Variants in ABCC2 observed in about 807,000 individuals in gnomAD.
ABCC2 encodes ATP-binding cassette sub-family C member 2.
A neutral mutation model predicts 173.4 loss-of-function variants in ABCC2; 157 were observed. The ratio of observed to expected loss-of-function variants is 0.91; its 90% confidence interval spans 0.80 to 1.03. ABCC2 has a LOEUF of 1.03. ABCC2 is among the 50% of genes least tolerant of loss of function. The probability of loss-of-function intolerance (pLI) is 0.00; values close to 1 mark genes in which losing one functional copy is unlikely to be tolerated. For missense variants in ABCC2, 1,822 were observed against 1,852.3 expected (o/e 0.98, Z 0.30); for synonymous variants, 657 against 693.5 (o/e 0.95, Z 0.83).
At chr10:99,812,902 A>C (rs2038241128) in intron 15 of ABCC2, 116 bp from the exon 16 acceptor site, 2 of 1,425,352 alleles carry the variant, frequency 1.4e-6, no homozygotes, top group African/African-American at 1.4e-5. Context: ...CAAATTTTCC[A>C]ATCTTGAGGG....
At chr10:99,819,601 C>T (rs1590172272) in intron 19 of ABCC2, among the ~76,000 whole-genome samples, 1 of 152,186 alleles carries the variant, frequency 6.6e-6, no homozygotes, top group African/African-American at 2.4e-5. Flanking sequence ...TTAGGGATGC[C>T]ATGTTCCTAT....
intron 16 of ABCC2, among the ~76,000 whole-genome samples, chr10:99,813,777 C>A (rs187065958): frequency 3.3e-5 from 5 of 151,988 alleles, no homozygotes; most frequent in Non-Finnish European, 7.4e-5. Context: ...ATGCATCCTG[C>A]AAAACTGTAC....
intron 24 of ABCC2, 42 bp downstream of exon 24, chr10:99,834,577 T>C (rs1476723802): frequency 3.1e-6 from 5 of 1,599,650 alleles, no homozygotes; most frequent in Non-Finnish European, 3.4e-6. Flanking sequence ...TTCCTCTCTA[T>C]CTATAAAAGC....
chr10:99,791,405 C>T (rs1446544822), intron 2 of ABCC2, among the ~76,000 whole-genome samples: 4 of 152,168 alleles, frequency 2.6e-5, no homozygotes, highest in Non-Finnish European at 4.4e-5. Flanking sequence ...GAGACTCCGT[C>T]TCAAAACAAA....
intron 9 of ABCC2, 57 bp from the exon 10 acceptor site, chr10:99,803,962 T>C (rs1486374674): frequency 6.2e-7 from 1 of 1,609,612 alleles, no homozygotes; most frequent in Admixed American, 1.7e-5. Context: ...CTTCCTCTTC[T>C]ACTCCCTAGT....
At chr10:99,849,659 G>A (rs559672984) in intron 30 of ABCC2, among the ~76,000 whole-genome samples, 2 of 152,304 alleles carry the variant, frequency 1.3e-5, no homozygotes, top group East Asian at 3.9e-4. Context: ...TACACTTTGG[G>A]CCAGGCAGGA....
chr10:99,846,026 C>T (rs1432736247), intron 29 of ABCC2, among the ~76,000 whole-genome samples: 1 of 152,218 alleles, frequency 6.6e-6, no homozygotes, highest in Non-Finnish European at 1.5e-5. Context: ...AAGTCAAGTA[C>T]AGCAGACGAT....
At chr10:99,835,818 TAGG>T (rs1312087996) in intron 24 of ABCC2, among the ~76,000 whole-genome samples, 1 of 152,126 alleles carries the variant, frequency 6.6e-6, no homozygotes, top group Non-Finnish European at 1.5e-5. Flanking sequence ...CGGAACTCCT[TAGG>T]AGGTTTGGAG....
At chr10:99,785,265 A>G (rs2037686008) in intron 2 of ABCC2, among the ~76,000 whole-genome samples, 1 of 152,170 alleles carries the variant, frequency 6.6e-6, no homozygotes, top group Non-Finnish European at 1.5e-5. Flanking sequence ...AGTCAGGATG[A>G]TCACTCACAG....
intron 10 of ABCC2, among the ~76,000 whole-genome samples, chr10:99,805,176 A>G (rs562426282): frequency 8.5e-5 from 13 of 152,274 alleles, no homozygotes; most frequent in Non-Finnish European, 1.5e-4. Context: ...CAAGCTTGGA[A>G]CAAGCAAGGA....
chr10:99,846,119 A>G (rs542542451), intron 29 of ABCC2, among the ~76,000 whole-genome samples: 1 of 152,324 alleles, frequency 6.6e-6, no homozygotes, highest in Non-Finnish European at 1.5e-5. Flanking sequence ...GCTTGAAGCC[A>G]TTAAGCTTTA....
intron 17 of ABCC2, 91 bp from the exon 18 acceptor site, chr10:99,818,699 A>T: frequency 6.9e-7 from 1 of 1,440,734 alleles, no homozygotes. Context: ...CACCTTATTG[A>T]GACAAATTTC....
Position 99,807,439 on chromosome 10 carries a change from G to A in ABCC2, c.1586G>A (p.Arg529Gln), listed in dbSNP as rs781337846. The part of the protein sequence containing the change: ...PSFRDQVQNL[R>Q]KKELKNLLAF... The stretch of plus-strand genomic sequence containing the variant: ...TTCAGAGACCAAGTACAAAACCTCC[G>A]GAAGAAAGAGCTCAAGAACCTGCTG... Residue 529 changes from arginine (R) to glutamine (Q), a missense_variant, in exon 12 of 32, where the codon CGG (arginine) becomes CAG (glutamine). Transcript: ENST00000647814. 4.5e-5 allele frequency: 72 copies of A among 1,613,874 alleles called. No individual in the cohort carries two copies. Among genetic ancestry groups the A allele is most frequent in the Admixed American group, 1.0e-4 (6 of 59,974 alleles).
At chr10:99,793,454 C>T in intron 3 of ABCC2, 97 bp from the exon 4 acceptor site, 2 of 1,557,580 alleles carry the variant, frequency 1.3e-6, no homozygotes, top group Non-Finnish European at 1.8e-6. Context: ...TCTCCTCCCT[C>T]AGCCCTCCTT....
chr10:99,831,927 T>C, intron 22 of ABCC2, 50 bp from the exon 23 acceptor site: 1 of 1,613,600 alleles, frequency 6.2e-7, no homozygotes, highest in Non-Finnish European at 8.5e-7. Context: ...TGGGCACAAG[T>C]CTTCAGGGAT....
intron 2 of ABCC2, among the ~76,000 whole-genome samples, chr10:99,786,226 A>T (rs1481416383): frequency 6.6e-6 from 1 of 152,172 alleles, no homozygotes; most frequent in Non-Finnish European, 1.5e-5. Context: ...TGGAAGCTAG[A>T]AGTGGTAGGA....
intron 9 of ABCC2, 122 bp downstream of exon 9, chr10:99,800,685 C>CCAT: frequency 9.0e-7 from 1 of 1,109,160 alleles, no homozygotes; most frequent in Non-Finnish European, 1.4e-6. Context: ...TGTTGACTGG[C>CCAT]CATACAGCCT....
chr10:99,811,670 T>C (rs2038217435), intron 15 of ABCC2, 68 bp downstream of exon 15: 2 of 1,550,076 alleles, frequency 1.3e-6, no homozygotes, highest in Non-Finnish European at 1.8e-6. Context: ...CTCAGAAAAT[T>C]CCATGTAATA....
rs1186759225 is a variant in ABCC2, at chr10:99,792,369, A to G, written c.333+10A>G. ...CTACCTAGGCACATGGGTAAGACCT[A>G]TACCACTTCTGCCCTGTTTACCTTT... On this transcript the variant is annotated intron_variant, in intron 3 of 31. Transcript: ENST00000647814. 2 of 1,613,820 alleles carry G rather than the reference A, an allele frequency of 1.2e-6. No homozygotes were observed. Among genetic ancestry groups the G allele is most frequent in the Non-Finnish European group, 1.7e-6 (2 of 1,179,788 alleles).
Sources: allele counts gnomAD v4.1 joint callset (sites outside exome capture counted in the v4.1 genomes callset), GRCh38; gene constraint gnomAD v4.1.1; transcripts MANE v1.5; gene names NCBI Gene and HGNC (gene_info 2026-07-23, HGNC 2026-07-21).